Variants in STK31 observed in about 807,000 individuals in gnomAD.
STK31 encodes the protein serine/threonine kinase 31.
A neutral mutation model predicts 129.7 loss-of-function variants in STK31; 89 were observed. That is an observed-to-expected ratio of 0.69 (90% CI 0.58 to 0.82). The LOEUF (loss-of-function observed/expected upper bound fraction) is 0.82, where lower values mean the gene tolerates loss of function less well. STK31 is among the 40% of genes least tolerant of loss of function. STK31 has a pLI of 0.00. For missense variants in STK31, 1,187 were observed against 1,176.4 expected (o/e 1.01, Z -0.13); for synonymous variants, 448 against 395.3 (o/e 1.13, Z -1.58).
chr7:23,826,538 T>G (rs908295653), intron 23 of STK31, among the ~76,000 whole-genome samples: 1 of 152,246 alleles, frequency 6.6e-6, no homozygotes, highest in African/African-American at 2.4e-5. Flanking sequence ...CTGATGGGTC[T>G]TGACTCTTTA....
intron 23 of STK31, among the ~76,000 whole-genome samples, chr7:23,831,255 A>G (rs1310165090): frequency 1.3e-5 from 2 of 152,092 alleles, no homozygotes; most frequent in Non-Finnish European, 2.9e-5. Context: ...TTTAGATCTA[A>G]TAATATTTGA....
chr7:23,762,851 G>T lies in STK31; in HGVS notation c.1344G>T (p.Leu448=). The T allele has an allele frequency of 6.2e-7, 1 of 1,608,782 alleles. No individual in the cohort carries two copies. Among genetic ancestry groups the T allele is most frequent in the Non-Finnish European group, 8.5e-7 (1 of 1,178,140 alleles). ...IAQRNEMQQK[L]YMSVEDFILE... is the part of the protein sequence containing the mutation. Reference sequence around the variant, plus strand: ...AAAGAAATGAAATGCAGCAGAAGCTGTACATGTCAGTAGAAGATTTTATTC... The same window carrying T: ...AAAGAAATGAAATGCAGCAGAAGCTTTACATGTCAGTAGAAGATTTTATTC... The change falls in exon 11 of 24, where the codon CTG becomes CTT. Residue 448 remains leucine (L), a synonymous_variant. Coordinates refer to ENST00000355870, the MANE Select transcript of STK31 (RefSeq NM_031414.5).
intron 23 of STK31, among the ~76,000 whole-genome samples, chr7:23,825,769 A>G (rs1043675181): frequency 6.6e-6 from 1 of 151,844 alleles, no homozygotes; most frequent in Non-Finnish European, 1.5e-5. Context: ...CACTGCTTTG[A>G]ATGTGTCCCA....
At chr7:23,711,174 T>G (rs1395630697) in intron 1 of STK31, among the ~76,000 whole-genome samples, 2 of 152,166 alleles carry the variant, frequency 1.3e-5, no homozygotes, top group Non-Finnish European at 2.9e-5. Flanking sequence ...TGCGGTGGCT[T>G]AGGCCTGTAA....
At chr7:23,761,991 G>A (rs1789497821) in intron 10 of STK31, among the ~76,000 whole-genome samples, 1 of 150,632 alleles carries the variant, frequency 6.6e-6, no homozygotes, top group African/African-American at 2.4e-5. Flanking sequence ...AAATAATCTG[G>A]TTGAGCTTAT....
intron 10 of STK31, 133 bp from the exon 11 acceptor site, chr7:23,762,665 AAGG>A: frequency 1.1e-6 from 1 of 947,348 alleles, no homozygotes; most frequent in Non-Finnish European, 1.5e-6. Flanking sequence ...TTGTTGATCT[AAGG>A]AGAGAAATGT....
At chr7:23,779,100 G>C (rs1790744034) in intron 15 of STK31, among the ~76,000 whole-genome samples, 1 of 152,152 alleles carries the variant, frequency 6.6e-6, no homozygotes, top group Non-Finnish European at 1.5e-5. Context: ...AGTCCCCTCT[G>C]CTGCAGGTTT....
At chr7:23,807,929 A>G (rs1325548771) in intron 22 of STK31, among the ~76,000 whole-genome samples, 3 of 151,096 alleles carry the variant, frequency 2.0e-5, no homozygotes, top group Admixed American at 6.6e-5. Flanking sequence ...TTTGCTTTCT[A>G]TTTTAAAAAT....
At chr7:23,786,351 T>C (rs1186378038) in intron 18 of STK31, among the ~76,000 whole-genome samples, 157 bp from the exon 19 acceptor site, 1 of 152,108 alleles carries the variant, frequency 6.6e-6, no homozygotes, top group African/African-American at 2.4e-5. Flanking sequence ...TTCCAAATTA[T>C]AGCATTCAAA....
intron 23 of STK31, among the ~76,000 whole-genome samples, chr7:23,822,592 TTTTC>T (rs1431198566): frequency 6.6e-6 from 1 of 152,076 alleles, no homozygotes; most frequent in Non-Finnish European, 1.5e-5. Context: ...CAGTTTGACT[TTTTC>T]TTTTTCTTTT....
At chr7:23,713,863 T>TA (rs202001495) in intron 3 of STK31, among the ~76,000 whole-genome samples, 1 of 151,792 alleles carries the variant, frequency 6.6e-6, no homozygotes, top group East Asian at 1.9e-4. Context: ...AAAATTATAG[T>TA]AAAAAAAAAT....
chr7:23,821,006 C>A (rs527900031), intron 23 of STK31, among the ~76,000 whole-genome samples: 19 of 152,010 alleles, frequency 1.2e-4, no homozygotes, highest in Non-Finnish European at 2.6e-4. Flanking sequence ...CATGGGGGTG[C>A]AGGTTTCATA....
At chr7:23,716,841 C>CTAGA (rs1786357003) in intron 3 of STK31, among the ~76,000 whole-genome samples, 1 of 142,748 alleles carries the variant, frequency 7.0e-6, no homozygotes, top group Non-Finnish European at 1.5e-5. Flanking sequence ...GTCACCAAGG[C>CTAGA]TAGAGTGCAG....
intron 4 of STK31, among the ~76,000 whole-genome samples, chr7:23,724,173 G>A (rs61571409): frequency 0.26 from 38,844 of 152,074 alleles, 5,310 homozygotes; most frequent in East Asian, 0.39. Flanking sequence ...ATGCTATGCC[G>A]GACAGGAACT....
intron 23 of STK31, among the ~76,000 whole-genome samples, chr7:23,817,016 T>C (rs1355443683): frequency 6.6e-6 from 1 of 152,040 alleles, no homozygotes; most frequent in African/African-American, 2.4e-5. Flanking sequence ...TGAAACCCTG[T>C]CTGTACTAAA....
At chr7:23,792,197 G>C (rs116953420) in intron 22 of STK31, among the ~76,000 whole-genome samples, 425 of 152,202 alleles carry the variant, frequency 2.8e-3, no homozygotes, top group Non-Finnish European at 4.9e-3. Flanking sequence ...AAATAAAGCT[G>C]TCTTTATTTG....
intron 9 of STK31, among the ~76,000 whole-genome samples, chr7:23,753,117 T>C (rs1423801456): frequency 6.6e-6 from 1 of 152,222 alleles, no homozygotes; most frequent in Non-Finnish European, 1.5e-5. Flanking sequence ...GAAACTACCA[T>C]ATCCAGTTAT....
chr7:23,748,454 A>G (rs1163472948), intron 8 of STK31, among the ~76,000 whole-genome samples: 1 of 152,218 alleles, frequency 6.6e-6, no homozygotes, highest in Non-Finnish European at 1.5e-5. Context: ...ACCCTTGAAC[A>G]TGAGTTTGAA....
chr7:23,781,079 G>T (rs1790897306), intron 15 of STK31, among the ~76,000 whole-genome samples: 1 of 152,164 alleles, frequency 6.6e-6, no homozygotes. Flanking sequence ...GGGAATTCAG[G>T]TGTATTCTGG....
Sources: gnomAD v4.1 joint callset for allele counts (sites outside exome capture counted in the v4.1 genomes callset) on GRCh38, gnomAD v4.1.1 for gene constraint, MANE v1.5 for transcripts, NCBI Gene and HGNC (gene_info 2026-07-23, HGNC 2026-07-21) for gene names.